ZNF112: variants seen among roughly 807,000 people sequenced by gnomAD.
ZNF112 encodes zinc finger protein 112 (Y14).
A neutral mutation model predicts 77.7 loss-of-function variants in ZNF112; 37 were observed. That is an observed-to-expected ratio of 0.48 (90% CI 0.37 to 0.63). ZNF112 has a LOEUF of 0.63. Among genes scored for constraint, ZNF112 ranks in the 20% least tolerant of loss-of-function variants. The pLI, the probability that ZNF112 is intolerant of heterozygous loss-of-function variation, is 0.00. For missense variants in ZNF112, 950 were observed against 1,077.4 expected (o/e 0.88, Z 1.66); for synonymous variants, 333 against 363.6 (o/e 0.92, Z 0.96).
intron 1 of ZNF112, among the ~76,000 whole-genome samples, chr19:44,343,507 T>C (rs1003052775): frequency 6.6e-6 from 1 of 152,200 alleles, no homozygotes. Flanking sequence ...TGCACAGCTG[T>C]ACCCAGTAGC....
At chr19:44,349,394 T>A (rs1189697780) in intron 1 of ZNF112, among the ~76,000 whole-genome samples, 1 of 152,032 alleles carries the variant, frequency 6.6e-6, no homozygotes, top group Non-Finnish European at 1.5e-5. Context: ...ACAGACTTTG[T>A]TACACTTTGA....
intron 3 of ZNF112, among the ~76,000 whole-genome samples, chr19:44,335,435 T>C (rs1196527719): frequency 6.6e-6 from 1 of 152,188 alleles, no homozygotes; most frequent in African/African-American, 2.4e-5. Context: ...AAAACAAGAA[T>C]GTACATAACA....
In ZNF112 at chr19:44,328,090, A is replaced by G. The variant is rs745546322; in HGVS notation, c.2067T>C (p.Cys689=). 3 of 1,613,912 alleles carry G rather than the reference A, an allele frequency of 1.9e-6. No homozygotes were observed. In the African/African-American group the frequency reaches 4.0e-5, roughly 22 times the overall value. The change falls in exon 4 of 4, where the codon TGT becomes TGC. Residue 689 remains cysteine (C), a synonymous_variant. Transcript: ENST00000354340. ...GACTGAAACTCTTACCACACTCATC[A>G]CATTGGTATGGCTTCTCTCCCGTGT... ...RVHTGEKPYQ[C]DECGKSFSQR...
chr19:44,350,070 T>C (rs908312371), intron 1 of ZNF112, among the ~76,000 whole-genome samples: 1 of 152,094 alleles, frequency 6.6e-6, no homozygotes, highest in Non-Finnish European at 1.5e-5. Context: ...TCAGTAAACC[T>C]GAGGCAGTAC....
intron 3 of ZNF112, among the ~76,000 whole-genome samples, chr19:44,331,471 T>G (rs561589101): frequency 5.1e-4 from 77 of 152,306 alleles, no homozygotes; most frequent in African/African-American, 1.7e-3. Context: ...ACAAATATCC[T>G]CCCTAAGGAC....
chr19:44,328,191 C>A lies in ZNF112; in HGVS notation c.1966G>T (p.Glu656Ter). ...LQIHQRVHTG[E>*]KPYKCEECGK... is the part of the protein sequence containing the mutation. ...CATTCTTCACATTTATAGGGTTTTT[C>A]TCCTGTGTGAACCCTCTGATGAATT... The change falls in exon 4 of 4, where the codon GAA becomes TAA. Residue 656 changes from glutamate to a stop codon, truncating the protein, a stop_gained. Coordinates refer to ENST00000354340, the MANE Select transcript of ZNF112 (RefSeq NM_013380.4). LOFTEE classifies it high-confidence loss of function. 4.3e-6 allele frequency: 7 copies of A among 1,614,118 alleles called. No individual in the cohort carries two copies. Among genetic ancestry groups the A allele is most frequent in the Non-Finnish European group, 5.9e-6 (7 of 1,179,992 alleles).
intron 1 of ZNF112, among the ~76,000 whole-genome samples, chr19:44,344,663 C>A (rs1434576): frequency 0.43 from 66,010 of 151,942 alleles, 15,679 homozygotes; most frequent in South Asian, 0.58. Context: ...AGAGGGTGCA[C>A]GGAGTCCTTT....
intron 2 of ZNF112, 146 bp downstream of exon 2, chr19:44,340,270 C>G: frequency 9.2e-7 from 1 of 1,082,938 alleles, no homozygotes; most frequent in Non-Finnish European, 1.3e-6. Context: ...TCAGAAACAT[C>G]TTGTCTGTGT....
intron 1 of ZNF112, among the ~76,000 whole-genome samples, chr19:44,347,360 C>A (rs1970609600): frequency 6.6e-6 from 1 of 151,944 alleles, no homozygotes; most frequent in African/African-American, 2.4e-5. Flanking sequence ...GTATTCAGGC[C>A]ATTAGCATTT....
At position 44,329,459 on chromosome 19, in the gene ZNF112, T is replaced by C; in HGVS notation, c.698A>G (p.Asp233Gly). The C allele has an allele frequency of 1.9e-6, 3 of 1,614,122 alleles. No homozygotes were observed. The highest frequency in any genetic ancestry group is 1.3e-5 in the African/African-American group (1 of 75,046). Residue 233 changes from aspartate (D) to glycine (G), a missense_variant, in exon 4 of 4, where the codon GAT (aspartate) becomes GGT (glycine). Physicochemically the swap from Asp to Gly is moderately conservative, Grantham distance 94. This residue lies in a region of ZNF112 where 560 missense variants were observed against 557.3 expected (regional missense o/e 1.00). Transcript: ENST00000354340. ...ENYSCHDCGE[D>G]IMKVSLLNQE... is the part of the protein sequence containing the mutation. ...ATTAAGTAATGATACCTTCATGATA[T>C]CTTCTCCACAGTCATGGCAGCTGTA...
intron 1 of ZNF112, among the ~76,000 whole-genome samples, chr19:44,353,183 T>C (rs1970723680): frequency 6.6e-6 from 1 of 152,060 alleles, no homozygotes; most frequent in South Asian, 2.1e-4. Context: ...CCCAAACAAG[T>C]GGTGTTGGGA....
chr19:44,328,292 T>C lies in ZNF112; in HGVS notation c.1865A>G (p.Gln622Arg), dbSNP rs2075574126. The C allele has an allele frequency of 1.9e-6, 3 of 1,614,086 alleles. No individual in the cohort carries two copies. Among genetic ancestry groups the C allele is most frequent in the Non-Finnish European group, 1.7e-6 (2 of 1,179,994 alleles). The change falls in exon 4 of 4, where the codon CAG (glutamine) becomes CGG (arginine). Residue 622 changes from glutamine to arginine, a missense_variant. By Grantham distance (43) the Gln-to-Arg change is conservative (BLOSUM62 1). This residue lies in a region of ZNF112 where 373 missense variants were observed against 482.8 expected (regional missense o/e 0.77). Transcript: ENST00000354340. ...TGGTTTTTCTCCAGTGTGGACTCTC[T>C]GATGGCCTTGAAGGTGTGAACTCCG... Reference protein sequence around the residue: ...FSRSSHLQGHQRVHTGEKPFK... With the variant: ...FSRSSHLQGHRRVHTGEKPFK...
chr19:44,347,788 A>G (rs1970623501), intron 1 of ZNF112, among the ~76,000 whole-genome samples: 1 of 152,082 alleles, frequency 6.6e-6, no homozygotes. Context: ...AAAGAGTAGA[A>G]AACCAGTATT....
chr19:44,350,992 G>A (rs1204525024), intron 1 of ZNF112, among the ~76,000 whole-genome samples: 1 of 152,036 alleles, frequency 6.6e-6, no homozygotes, highest in Non-Finnish European at 1.5e-5. Flanking sequence ...TATTAGTTAT[G>A]GAGATCAGAA....
At chr19:44,330,551 C>G (rs1970251349) in intron 3 of ZNF112, among the ~76,000 whole-genome samples, 1 of 152,168 alleles carries the variant, frequency 6.6e-6, no homozygotes, top group South Asian at 2.1e-4. Context: ...GCCTGGCCAA[C>G]ATGGTGAAAC....
intron 3 of ZNF112, among the ~76,000 whole-genome samples, 171 bp from the exon 4 acceptor site, chr19:44,330,107 G>C (rs1440735944): frequency 6.6e-6 from 1 of 152,052 alleles, no homozygotes; most frequent in Non-Finnish European, 1.5e-5. Flanking sequence ...ACCAGTTACA[G>C]GTTGAGTATT....
chr19:44,345,996 A>G (rs1252398649), intron 1 of ZNF112, among the ~76,000 whole-genome samples: 1 of 152,216 alleles, frequency 6.6e-6, no homozygotes, highest in Non-Finnish European at 1.5e-5. Flanking sequence ...TCTTAGCTGA[A>G]GAAGAGACAC....
rs376129179 is a variant in ZNF112 at position 44,329,527 on chromosome 19, G to A, written c.630C>T (p.Leu210=). ...HFCKCDSVSW[L]SHHNDKLEVH... is the part of the protein sequence containing the mutation. ...CTTCCAGTTTATCATTGTGATGTGAGAGCCAACTGACACTGTCACACTTAC... is the reference window on the plus strand; with the variant it reads ...CTTCCAGTTTATCATTGTGATGTGAAAGCCAACTGACACTGTCACACTTAC... Residue 210 remains leucine (L), a synonymous_variant, in exon 4 of 4, where the codon CTC becomes CTT. Transcript: ENST00000354340. 6 of 1,613,968 alleles carry A rather than the reference G, an allele frequency of 3.7e-6. No homozygotes were observed. Among genetic ancestry groups the A allele is most frequent in the Non-Finnish European group, 4.2e-6 (5 of 1,180,018 alleles).
Position 44,328,660 on chromosome 19 carries a change from G to C in ZNF112, c.1497C>G (p.Gly499=), listed in dbSNP as rs1448025646. 2.5e-6 allele frequency: 4 copies of C among 1,613,986 alleles called. No individual in the cohort carries two copies. Among genetic ancestry groups the C allele is most frequent in the African/African-American group, 2.7e-5 (2 of 74,902 alleles). The change falls in exon 4 of 4, where the codon GGC becomes GGG. Residue 499 remains glycine, a synonymous_variant. Coordinates refer to ENST00000354340, the MANE Select transcript of ZNF112 (RefSeq NM_013380.4). ...GEKPRKEHGN[G]FNWSSKLKDH... ...CTTTAAGTTTTGAGCTCCAGTTGAA[G>C]CCATTCCCATGCTCCTTACGTGGTT...
Sources: gnomAD v4.1 joint callset for allele counts (sites outside exome capture counted in the v4.1 genomes callset) on GRCh38, gnomAD v4.1.1 for gene constraint, gnomAD v4.1.1 regional missense constraint, MANE v1.5 for transcripts, NCBI Gene and HGNC (gene_info 2026-07-23, HGNC 2026-07-21) for gene names.